The following ANKRD6 variants were observed in gnomAD, a reference collection of about 807,000 sequenced individuals.
The protein encoded by ANKRD6 is ankyrin repeat domain 6.
A neutral mutation model predicts 82.3 loss-of-function variants in ANKRD6; 56 were observed. The ratio of observed to expected loss-of-function variants is 0.68; its 90% CI spans 0.55 to 0.85. The LOEUF (loss-of-function observed/expected upper bound fraction) is 0.85, where lower values mean the gene tolerates loss of function less well. ANKRD6 is among the 40% of genes least tolerant of loss of function. The pLI is 0.00. For missense variants in ANKRD6, 852 were observed against 907.6 expected, an observed-to-expected ratio of 0.94 and a Z score of 0.79; for synonymous variants, 347 against 352.1, an observed-to-expected ratio of 0.99 and a Z score of 0.16.
intron 1 of ANKRD6, among the ~76,000 whole-genome samples, chr6:89,510,424 T>G (rs1376528487): frequency 6.6e-6 from 1 of 152,148 alleles, no homozygotes; most frequent in Non-Finnish European, 1.5e-5. Flanking sequence ...TTCATGTTAT[T>G]CTTTATATAC....
At chr6:89,530,085 CTATACAAAAA>C (rs1368859313) in intron 1 of ANKRD6, among the ~76,000 whole-genome samples, 1 of 151,924 alleles carries the variant, frequency 6.6e-6, no homozygotes, top group Non-Finnish European at 1.5e-5. Context: ...GAAACCCTGC[CTATACAAAAA>C]GATACAAAAA....
intron 1 of ANKRD6, among the ~76,000 whole-genome samples, chr6:89,542,670 G>A (rs1019275979): frequency 5.3e-5 from 8 of 152,162 alleles, no homozygotes; most frequent in Non-Finnish European, 8.8e-5. Flanking sequence ...GCAAAACACG[G>A]TGAAGACAAG....
chr6:89,618,874 G>T (rs1030240378), intron 9 of ANKRD6, among the ~76,000 whole-genome samples: 3 of 152,066 alleles, frequency 2.0e-5, no homozygotes, highest in African/African-American at 4.8e-5. Flanking sequence ...GGACATTTAG[G>T]TTATTTCCAG....
At chr6:89,552,295 G>T (rs1355673393) in intron 1 of ANKRD6, among the ~76,000 whole-genome samples, 1 of 152,178 alleles carries the variant, frequency 6.6e-6, no homozygotes, top group Non-Finnish European at 1.5e-5. Flanking sequence ...GCTTCTTCCT[G>T]CCATGGACTG....
chr6:89,499,708 T>G (rs1779050217), intron 1 of ANKRD6, among the ~76,000 whole-genome samples: 1 of 152,112 alleles, frequency 6.6e-6, no homozygotes, highest in African/African-American at 2.4e-5. Context: ...CTTCCGTGAT[T>G]TAGTCCTACA....
At chr6:89,591,712 T>C (rs1247449327) in intron 2 of ANKRD6, among the ~76,000 whole-genome samples, 3 of 152,252 alleles carry the variant, frequency 2.0e-5, no homozygotes, top group Non-Finnish European at 4.4e-5. Context: ...TCTGCTGCTT[T>C]CTTGCTTTTC....
intron 2 of ANKRD6, among the ~76,000 whole-genome samples, chr6:89,574,586 G>T (rs1790699700): frequency 6.6e-6 from 1 of 152,230 alleles, no homozygotes; most frequent in Admixed American, 6.5e-5. Context: ...TATTGACTGT[G>T]AATTTCTTAC....
chr6:89,464,482 A>G (rs1162692737), intron 1 of ANKRD6, among the ~76,000 whole-genome samples: 1 of 152,192 alleles, frequency 6.6e-6, no homozygotes, highest in African/African-American at 2.4e-5. Flanking sequence ...AAGCGCTTAT[A>G]TCTGTCAGGC....
At chr6:89,489,204 G>C (rs936999591) in intron 1 of ANKRD6, among the ~76,000 whole-genome samples, 5 of 152,166 alleles carry the variant, frequency 3.3e-5, no homozygotes, top group Non-Finnish European at 7.3e-5. Context: ...CTGGGGACTT[G>C]AAGAGCTTTG....
At chr6:89,526,630 G>A (rs575279084) in intron 1 of ANKRD6, among the ~76,000 whole-genome samples, 10 of 152,270 alleles carry the variant, frequency 6.6e-5, no homozygotes, top group East Asian at 1.9e-4. Flanking sequence ...AGGGTTCTCC[G>A]AGAAACAGAA....
chr6:89,592,095 G>A (rs984292456), intron 2 of ANKRD6, among the ~76,000 whole-genome samples: 2 of 152,212 alleles, frequency 1.3e-5, no homozygotes, highest in South Asian at 2.1e-4. Flanking sequence ...CACAGTTTAC[G>A]TTTCAAAAAT....
chr6:89,471,127 G>A (rs997634462), intron 1 of ANKRD6, among the ~76,000 whole-genome samples: 1 of 151,996 alleles, frequency 6.6e-6, no homozygotes, highest in African/African-American at 2.4e-5. Flanking sequence ...ATTTCAGGTG[G>A]ATCACTTGAG....
At chr6:89,556,286 T>C (rs1372772509) in intron 1 of ANKRD6, among the ~76,000 whole-genome samples, 1 of 152,258 alleles carries the variant, frequency 6.6e-6, no homozygotes, top group Non-Finnish European at 1.5e-5. Flanking sequence ...CATTGCCCTC[T>C]AAGATCCAGA....
chr6:89,556,242 A>T (rs562784939), intron 1 of ANKRD6, among the ~76,000 whole-genome samples: 58 of 152,360 alleles, frequency 3.8e-4, no homozygotes, highest in African/African-American at 1.3e-3. Flanking sequence ...TAACACTGAC[A>T]CAACATAAAG....
At chr6:89,561,985 CAG>C (rs1389565053) in intron 1 of ANKRD6, among the ~76,000 whole-genome samples, 3 of 152,186 alleles carry the variant, frequency 2.0e-5, no homozygotes, top group Admixed American at 6.5e-5. Context: ...TTTGTACTGA[CAG>C]AGTAATTTCC....
At chr6:89,461,255 T>A (rs1476728307) in intron 1 of ANKRD6, among the ~76,000 whole-genome samples, 2 of 152,186 alleles carry the variant, frequency 1.3e-5, no homozygotes, top group East Asian at 3.8e-4. Context: ...TAATAGTTCC[T>A]TGAGATTTAC....
intron 2 of ANKRD6, among the ~76,000 whole-genome samples, chr6:89,578,308 T>TAACAGAG (rs1791643839): frequency 8.0e-6 from 1 of 125,028 alleles, no homozygotes; most frequent in Non-Finnish European, 1.7e-5. Context: ...TTTTTTTTTT[T>TAACAGAG]TTTTGGAAAC....
At chr6:89,441,614 TCTTTCC>T (rs1279734300) in intron 1 of ANKRD6, among the ~76,000 whole-genome samples, 1 of 148,632 alleles carries the variant, frequency 6.7e-6, no homozygotes, top group East Asian at 2.0e-4. Context: ...GGTTTTCTTT[TCTTTCC>T]TTTTTTTTTT....
At chr6:89,587,575 C>G (rs370135220) in intron 2 of ANKRD6, among the ~76,000 whole-genome samples, 2 of 152,290 alleles carry the variant, frequency 1.3e-5, no homozygotes, top group East Asian at 3.9e-4. Flanking sequence ...TTCAAATCAC[C>G]TCTCCATATC....
Sources: gnomAD v4.1 joint callset for allele counts (sites outside exome capture counted in the v4.1 genomes callset) on GRCh38, gnomAD v4.1.1 for gene constraint, MANE v1.5 for transcripts, NCBI Gene and HGNC (gene_info 2026-07-23, HGNC 2026-07-21) for gene names.